Variants in NCKAP5 observed in about 807,000 individuals in gnomAD.
The protein encoded by NCKAP5 is nck-associated protein 5.
NCKAP5 carries 92 observed loss-of-function variants against 167.0 expected under a neutral mutation model. The observed-to-expected ratio is 0.55, with a 90% CI of 0.47 to 0.66. The LOEUF is 0.66. Among genes scored for constraint, NCKAP5 ranks in the 30% least tolerant of loss-of-function variants. The pLI is 0.00. For synonymous variants in NCKAP5, 891 were observed against 877.4 expected (o/e 1.02, Z -0.27); for missense variants, 2,378 against 2,315.0 (o/e 1.03, Z -0.56).
At chr2:133,467,879 T>C (rs1376677748) in intron 3 of NCKAP5, among the ~76,000 whole-genome samples, 1 of 133,992 alleles carries the variant, frequency 7.5e-6, no homozygotes, top group Non-Finnish European at 1.6e-5. Context: ...TTTTTTATTG[T>C]GTCTATTTGA....
chr2:133,612,664 C>T, the NCKAP5 span, among the ~76,000 whole-genome samples: 1 of 152,042 alleles, frequency 6.6e-6, no homozygotes, highest in Admixed American at 6.6e-5. Flanking sequence ...TTGTTGTCTC[C>T]TTGTTTATAT....
chr2:132,820,078 T>C (rs1441319228), intron 11 of NCKAP5, among the ~76,000 whole-genome samples: 1 of 152,154 alleles, frequency 6.6e-6, no homozygotes, highest in East Asian at 1.9e-4. Flanking sequence ...TCCTAGGTAT[T>C]CCCAAAAACC....
chr2:133,462,938 A>G (rs1032268366), intron 3 of NCKAP5, among the ~76,000 whole-genome samples: 1 of 152,186 alleles, frequency 6.6e-6, no homozygotes, highest in African/African-American at 2.4e-5. Flanking sequence ...TCACCTGTGA[A>G]ACAGTTCTCT....
intron 7 of NCKAP5, among the ~76,000 whole-genome samples, chr2:132,978,724 G>T (rs2077048053): frequency 6.6e-6 from 1 of 152,174 alleles, no homozygotes; most frequent in Non-Finnish European, 1.5e-5. Context: ...ATGGCCTGTG[G>T]TCTTGGCTAC....
intron 11 of NCKAP5, among the ~76,000 whole-genome samples, chr2:132,847,157 T>C (rs188684488): frequency 6.6e-6 from 1 of 152,232 alleles, no homozygotes; most frequent in Admixed American, 6.5e-5. Flanking sequence ...TATAGGGCAA[T>C]GAAAAGTAAA....
chr2:133,633,523 G>C, the NCKAP5 span, among the ~76,000 whole-genome samples: 1 of 152,216 alleles, frequency 6.6e-6, no homozygotes. Context: ...GCATCCTGAA[G>C]TCAGGCTGGC....
chr2:132,829,030 A>G (rs1207337059), intron 11 of NCKAP5, among the ~76,000 whole-genome samples: 2 of 152,228 alleles, frequency 1.3e-5, no homozygotes, highest in Non-Finnish European at 2.9e-5. Context: ...TGGGAGACTG[A>G]CATAACCAGT....
intron 12 of NCKAP5, among the ~76,000 whole-genome samples, chr2:132,795,991 C>T (rs796122343): frequency 6.6e-6 from 1 of 150,938 alleles, no homozygotes; most frequent in African/African-American, 2.4e-5. Context: ...TGACAATATT[C>T]CACTGAAATT....
intron 11 of NCKAP5, among the ~76,000 whole-genome samples, chr2:132,802,535 T>C (rs1197713913): frequency 6.6e-6 from 1 of 152,214 alleles, no homozygotes; most frequent in Non-Finnish European, 1.5e-5. Context: ...TGAGTTATTA[T>C]GAAATCTCCT....
At chr2:133,041,116 G>A (rs2149454788) in intron 6 of NCKAP5, among the ~76,000 whole-genome samples, 1 of 152,238 alleles carries the variant, frequency 6.6e-6, no homozygotes, top group Non-Finnish European at 1.5e-5. Context: ...ACATTTAATG[G>A]ACTACAAATG....
intron 5 of NCKAP5, among the ~76,000 whole-genome samples, chr2:133,145,326 A>G (rs924555569): frequency 1.3e-5 from 2 of 151,962 alleles, no homozygotes; most frequent in South Asian, 4.1e-4. Flanking sequence ...AACATCACAT[A>G]CCGGGGCCTG....
chr2:133,073,854 T>C (rs2080506085), intron 6 of NCKAP5, among the ~76,000 whole-genome samples: 1 of 152,080 alleles, frequency 6.6e-6, no homozygotes, highest in Admixed American at 6.5e-5. Flanking sequence ...AAAAATGTAA[T>C]TCATTTCAGG....
chr2:132,860,396 G>A, intron 11 of NCKAP5, 96 bp downstream of exon 11: 1 of 1,334,816 alleles, frequency 7.5e-7, no homozygotes, highest in Non-Finnish European at 1.0e-6. Flanking sequence ...GATGCAATAT[G>A]CCTTGCTCAT....
At chr2:133,060,321 C>T (rs1009608225) in intron 6 of NCKAP5, among the ~76,000 whole-genome samples, 7 of 152,102 alleles carry the variant, frequency 4.6e-5, no homozygotes, top group Admixed American at 1.3e-4. Flanking sequence ...CTATGAAAGA[C>T]CCTTTTGGGA....
chr2:133,098,313 T>G (rs548133111), intron 6 of NCKAP5, among the ~76,000 whole-genome samples: 32 of 152,346 alleles, frequency 2.1e-4, no homozygotes, highest in African/African-American at 6.7e-4. Context: ...GGCATCACTT[T>G]ATAATAAGTG....
chr2:132,822,242 CAGTAT>C (rs1686802203), intron 11 of NCKAP5, among the ~76,000 whole-genome samples: 1 of 152,194 alleles, frequency 6.6e-6, no homozygotes, highest in African/African-American at 2.4e-5. Flanking sequence ...CTAGCATAAC[CAGTAT>C]TCAAGAAAGC....
At chr2:133,442,939 G>C (rs1245455244) in intron 3 of NCKAP5, among the ~76,000 whole-genome samples, 1 of 152,176 alleles carries the variant, frequency 6.6e-6, no homozygotes, top group East Asian at 1.9e-4. Context: ...GAATTTCTGA[G>C]TACTGATTTC....
At chr2:132,972,757 G>A (rs937138709) in intron 7 of NCKAP5, among the ~76,000 whole-genome samples, 2 of 151,952 alleles carry the variant, frequency 1.3e-5, no homozygotes, top group African/African-American at 4.8e-5. Context: ...CAGCTACTTT[G>A]GAGGCTGAGG....
intron 7 of NCKAP5, among the ~76,000 whole-genome samples, chr2:132,967,454 T>C (rs1388518702): frequency 6.6e-6 from 1 of 152,114 alleles, no homozygotes; most frequent in Non-Finnish European, 1.5e-5. Flanking sequence ...GGGTCGGTGT[T>C]TGGTGAAAGA....
Sources: allele counts gnomAD v4.1 joint callset (sites outside exome capture counted in the v4.1 genomes callset), GRCh38; gene constraint gnomAD v4.1.1; transcripts MANE v1.5; gene names NCBI Gene and HGNC (gene_info 2026-07-23, HGNC 2026-07-21).